The following THOP1 variants were observed in gnomAD, a reference collection of about 807,000 sequenced individuals.
THOP1 encodes thimet oligopeptidase 1, also known as thimet oligopeptidase.
THOP1 carries 49 observed loss-of-function variants against 71.8 expected under a neutral mutation model. That is an observed-to-expected ratio of 0.68 (90% CI 0.54 to 0.87). THOP1 has a LOEUF of 0.87. THOP1 is among the 40% of genes least tolerant of loss of function. The probability of loss-of-function intolerance (pLI) is 0.00; values close to 1 mark genes in which losing one functional copy is unlikely to be tolerated. For synonymous variants in THOP1, 426 were observed against 421.5 expected (o/e 1.01, Z -0.13); for missense variants, 843 against 975.6 (o/e 0.86, Z 1.81).
intron 2 of THOP1, among the ~76,000 whole-genome samples, chr19:2,792,505 G>A (rs78877700): frequency 2.3e-4 from 33 of 144,924 alleles, no homozygotes; most frequent in Admixed American, 5.0e-4. Context: ...CCAGACGTGC[G>A]GAGCCTCCTC....
chr19:2,785,649 C>G lies in THOP1; in HGVS notation c.-14C>G. 6.7e-7 allele frequency: 1 copy of G among 1,489,554 alleles called. No individual in the cohort carries two copies. The highest frequency in any genetic ancestry group is 8.9e-7 in the Non-Finnish European group (1 of 1,118,282). The allele number at this position is 1,489,554 out of a possible 1,614,324, so 92.3% of individuals were successfully genotyped here. ...GGAAGGAGGGAGGGAGCCGCAGGCG[C>G]AGACCCACCCGCCATGAAGCCCCCC... On this transcript the variant is annotated 5_prime_UTR_variant, in exon 1 of 13. Coordinates refer to ENST00000307741, the MANE Select transcript of THOP1 (RefSeq NM_003249.5).
chr19:2,799,645 C>T (rs539412281), intron 4 of THOP1, 44 bp from the exon 5 acceptor site: 60 of 1,530,010 alleles, frequency 3.9e-5, no homozygotes, highest in Non-Finnish European at 5.1e-5. Flanking sequence ...CCGCGGAGCC[C>T]GCCCCGGTCT....
chr19:2,790,723 C>T, intron 2 of THOP1, 90 bp downstream of exon 2: 1 of 1,247,214 alleles, frequency 8.0e-7, no homozygotes, highest in South Asian at 1.7e-5. Context: ...GGAGCCGGTT[C>T]AGAACCTGGC....
At chr19:2,812,126 G>T (rs1356661576) in intron 12 of THOP1, 1 of 1,424,592 alleles carries the variant, frequency 7.0e-7, no homozygotes, top group Admixed American at 2.6e-5. Flanking sequence ...CGGCCTCAGA[G>T]CCATGGGCTG....
intron 1 of THOP1, among the ~76,000 whole-genome samples, chr19:2,789,323 C>G (rs2144756417): frequency 6.6e-6 from 1 of 152,376 alleles, no homozygotes; most frequent in East Asian, 1.9e-4. Context: ...GCCACCTTCT[C>G]TGTGCCGAGC....
At chr19:2,806,873 G>A in intron 6 of THOP1, 44 bp from the exon 7 acceptor site, 1 of 1,611,518 alleles carries the variant, frequency 6.2e-7, no homozygotes, top group Non-Finnish European at 8.5e-7. Flanking sequence ...TGGAGGTGGA[G>A]GGAGTGGCGC....
intron 1 of THOP1, among the ~76,000 whole-genome samples, chr19:2,789,260 A>G (rs1227628365): frequency 6.6e-6 from 1 of 152,126 alleles, no homozygotes; most frequent in African/African-American, 2.4e-5. Flanking sequence ...CCTCTGCAGA[A>G]CTGTTTGCTG....
chr19:2,802,130 TCTCCAACACTGCCAC>T (rs1916158990), intron 5 of THOP1, among the ~76,000 whole-genome samples: 1 of 139,232 alleles, frequency 7.2e-6, no homozygotes. Flanking sequence ...AACACCACCA[TCTCCAACACTGCCAC>T]CTCCAACACC....
intron 9 of THOP1, 74 bp downstream of exon 9, chr19:2,808,518 C>T (rs897551387): frequency 6.9e-7 from 1 of 1,457,466 alleles, no homozygotes; most frequent in Non-Finnish European, 9.1e-7. Flanking sequence ...AGGCCCAAGC[C>T]TGGGGCTTCG....
chr19:2,810,917 G>A lies in THOP1; in HGVS notation c.1771+149G>A, dbSNP rs1339940385. 3.1e-6 allele frequency: 4 copies of A among 1,311,212 alleles called. No individual in the cohort carries two copies. In the African/African-American group the frequency reaches 4.5e-5, roughly 15 times the overall value. The allele number at this position is 1,311,212 out of a possible 1,614,324, so 81.2% of individuals were successfully genotyped here. Reference sequence around the variant, plus strand: ...GGAGCGCGTCCCAGGCTCCTCGGGGGACAGCCCCAGCTGAGATGCAGCTGC... The same window carrying A: ...GGAGCGCGTCCCAGGCTCCTCGGGGAACAGCCCCAGCTGAGATGCAGCTGC... On this transcript the variant is annotated intron_variant, in intron 11 of 12. Transcript: ENST00000307741.
chr19:2,795,000 T>G, intron 3 of THOP1, 88 bp downstream of exon 3: 1 of 1,491,408 alleles, frequency 6.7e-7, no homozygotes. Context: ...ATTTTTGTAT[T>G]TTTAGTAGAG....
intron 1 of THOP1, among the ~76,000 whole-genome samples, chr19:2,787,721 G>A (rs1915781281): frequency 6.6e-6 from 1 of 152,194 alleles, no homozygotes; most frequent in Non-Finnish European, 1.5e-5. Context: ...GGGTGATTGT[G>A]CTACCTCTGG....
At chr19:2,811,229 T>G (rs1273563710) in intron 11 of THOP1, among the ~76,000 whole-genome samples, 1 of 152,248 alleles carries the variant, frequency 6.6e-6, no homozygotes, top group African/African-American at 2.4e-5. Context: ...GGTGGTGTTT[T>G]GCTGGCTTAA....
At chr19:2,800,055 T>A (rs1406209920) in intron 5 of THOP1, among the ~76,000 whole-genome samples, 2 of 152,222 alleles carry the variant, frequency 1.3e-5, no homozygotes, top group Non-Finnish European at 2.9e-5. Context: ...ATAGAAAATG[T>A]CCCTGGCAGT....
At chr19:2,786,765 A>ATTTTTT (rs550767741) in intron 1 of THOP1, among the ~76,000 whole-genome samples, 1 of 101,206 alleles carries the variant, frequency 9.9e-6, no homozygotes, top group Non-Finnish European at 1.8e-5. Flanking sequence ...CACCTGGCTA[A>ATTTTTT]TTTTTTTTTT....
chr19:2,802,512 T>C (rs1168855407), intron 5 of THOP1, among the ~76,000 whole-genome samples: 3 of 119,066 alleles, frequency 2.5e-5, no homozygotes, highest in African/African-American at 1.0e-4. Context: ...CACCAACACC[T>C]CACGACACCC....
chr19:2,805,996 G>A lies in THOP1; in HGVS notation c.750+820G>A, dbSNP rs1250327652. 6 of 149,576 alleles carry A rather than the reference G, an allele frequency of 4.0e-5. No individual in the cohort carries two copies. Among genetic ancestry groups the A allele is most frequent in the Admixed American group, 3.3e-4 (5 of 15,148 alleles). The allele number at this position is 149,576 out of a possible 1,614,324, so 9.3% of individuals were successfully genotyped here. A position where few individuals can be genotyped will look rare whatever the true frequency, so the allele number is the denominator to read the frequency against. ...GGGTGCCCATCACTGCGGGGGGTGG[G>A]GGACGGGTGGGTACCAATGGGGGTA... On this transcript the variant is annotated intron_variant, in intron 6 of 12. Coordinates refer to ENST00000307741, the MANE Select transcript of THOP1 (RefSeq NM_003249.5). This position sits in a 1 kb window ranked among gnomAD's most constrained non-coding sequence, Gnocchi z 6.6.
intron 2 of THOP1, among the ~76,000 whole-genome samples, chr19:2,793,432 C>A (rs145728536): frequency 0.026 from 3,973 of 152,212 alleles, 164 homozygotes; most frequent in African/African-American, 0.089. Context: ...TGGCTCATGC[C>A]TGTAATCCCT....
At chr19:2,802,622 T>C (rs1392303441) in intron 5 of THOP1, among the ~76,000 whole-genome samples, 3 of 151,832 alleles carry the variant, frequency 2.0e-5, no homozygotes, top group Non-Finnish European at 4.4e-5. Flanking sequence ...GACACCACCA[T>C]CTCTGGCATT....
Sources: allele counts gnomAD v4.1 joint callset (sites outside exome capture counted in the v4.1 genomes callset), GRCh38; gene constraint gnomAD v4.1.1; non-coding constraint Gnocchi (gnomAD v3.1); transcripts MANE v1.5; gene names NCBI Gene and HGNC (gene_info 2026-07-23, HGNC 2026-07-21).